BEND6: variants seen among roughly 807,000 people sequenced by gnomAD.
BEND6 encodes BEN domain containing 6, also known as BEN domain-containing protein 6.
Under a neutral mutation model 31.8 loss-of-function variants are expected in BEND6, and 24 were observed. The ratio of observed to expected loss-of-function variants is 0.75; its 90% CI spans 0.55 to 1.06. BEND6 has a LOEUF of 1.06. Among genes scored for constraint, BEND6 ranks in the 50% least tolerant of loss-of-function variants. The probability of loss-of-function intolerance (pLI) is 0.00; values close to 1 mark genes in which losing one functional copy is unlikely to be tolerated. For missense variants in BEND6, 294 were observed against 327.4 expected (o/e 0.90, Z 0.79); for synonymous variants, 109 against 114.6 (o/e 0.95, Z 0.31).
At chr6:56,990,476 C>T (rs185538449) in intron 2 of BEND6, among the ~76,000 whole-genome samples, 119 of 152,054 alleles carry the variant, frequency 7.8e-4, no homozygotes, top group African/African-American at 2.6e-3. Context: ...TGAACTTCTG[C>T]GCTGAAGAGA....
At chr6:57,008,456 T>TATGCAGACCTGTCTGTGTGACTGTC (rs1827237614) in intron 3 of BEND6, 1 of 508,786 alleles carries the variant, frequency 2.0e-6, no homozygotes, top group East Asian at 3.2e-5. Context: ...ACTGGAGTGC[T>TATGCAGACCTGTCTGTGTGACTGTC]ATGCAGACCT....
rs756563324 is a variant in BEND6, at chr6:57,018,403, G to A, written c.713-18G>A. 14 of 1,576,172 alleles carry A rather than the reference G, an allele frequency of 8.9e-6. No individual in the cohort carries two copies. Among genetic ancestry groups the A allele is most frequent in the South Asian group, 2.4e-5 (2 of 82,890 alleles). On this transcript the variant is annotated intron_variant, in intron 5 of 6. Transcript: ENST00000370746. ...GCACTCATGAAGTTTCTCATGTGTC[G>A]CTATTGGTTTTTTACAGGAGTAACA...
chr6:56,956,039 A>G (rs981307671), intron 1 of BEND6, among the ~76,000 whole-genome samples: 6 of 152,262 alleles, frequency 3.9e-5, no homozygotes, highest in Non-Finnish European at 8.8e-5. Flanking sequence ...CGGCTGCTGC[A>G]GCAGTCATTC....
At chr6:57,012,294 G>A (rs537643494) in intron 3 of BEND6, among the ~76,000 whole-genome samples, 2 of 152,272 alleles carry the variant, frequency 1.3e-5, no homozygotes, top group African/African-American at 4.8e-5. Context: ...ATATTATGCA[G>A]AGAAAAAGAG....
intron 6 of BEND6, among the ~76,000 whole-genome samples, chr6:57,024,958 C>T (rs1306827958): frequency 6.6e-6 from 1 of 152,110 alleles, no homozygotes; most frequent in Admixed American, 6.5e-5. Context: ...TCTTTGATTT[C>T]ACAGGTTATT....
chr6:56,972,087 T>TG (rs1491413481), intron 1 of BEND6, among the ~76,000 whole-genome samples: 48 of 19,694 alleles, frequency 2.4e-3, no homozygotes, highest in Non-Finnish European at 1.8e-3. Flanking sequence ...CTTTACTTTC[T>TG]TTTTTTTTTT....
chr6:57,022,611 T>TTTTG lies in BEND6; in HGVS notation c.*10-3459_*10-3456dup, dbSNP rs552160196. 6.9e-3 allele frequency among the ~76,000 whole-genome samples: 1,052 copies of TTTTG among 152,216 alleles called. 1 individual carries two copies. The highest frequency in any genetic ancestry group is 0.011 in the Non-Finnish European group (716 of 68,002). The stretch of plus-strand genomic sequence containing the variant: ...TTGATCTGGTTTTTTAAATCTCCTT[T>TTTTG]TTTGTTTGTTTGTTTTTTGTTTTTT... On this transcript the variant is annotated intron_variant, in intron 6 of 6. Coordinates refer to ENST00000370746, the MANE Select transcript of BEND6 (RefSeq NM_152731.3).
rs368474009 is a variant in BEND6, at chr6:57,015,206, C to G, written c.372C>G (p.Thr124=). 7 of 1,614,022 alleles carry G rather than the reference C, an allele frequency of 4.3e-6. No individual in the cohort carries two copies. In the African/African-American group the frequency reaches 8.0e-5, roughly 18 times the overall value. ...AGGCTCTGCTTAAGGGTGGGGGAAC[C>G]ATGTCTACATCTGCATCCACCCTCT... ...MAEALLKGGG[T]MSTSASTLWR... is the part of the protein sequence containing the mutation. The change falls in exon 4 of 7, where the codon ACC becomes ACG. Residue 124 remains threonine, a synonymous_variant. Transcript: ENST00000370746.
intron 1 of BEND6, among the ~76,000 whole-genome samples, chr6:56,974,437 A>G (rs1030024879): frequency 2.6e-5 from 4 of 152,228 alleles, no homozygotes; most frequent in Non-Finnish European, 5.9e-5. Flanking sequence ...AAAAGTCAAC[A>G]TAACATTTTA....
chr6:57,005,609 G>A (rs1301635633), intron 3 of BEND6, among the ~76,000 whole-genome samples: 1 of 151,402 alleles, frequency 6.6e-6, no homozygotes, highest in Non-Finnish European at 1.5e-5. Context: ...GAACCCGGGA[G>A]ACGGAGGTTG....
intron 3 of BEND6, among the ~76,000 whole-genome samples, chr6:57,011,535 T>A (rs1384995823): frequency 5.3e-5 from 8 of 151,038 alleles, no homozygotes; most frequent in Non-Finnish European, 1.0e-4. Context: ...CTGGGCAACA[T>A]AGGGAGACTC....
At chr6:57,005,968 TC>T (rs1419728890) in intron 3 of BEND6, among the ~76,000 whole-genome samples, 1 of 152,172 alleles carries the variant, frequency 6.6e-6, no homozygotes, top group African/African-American at 2.4e-5. Context: ...AATCAACAGA[TC>T]AGTGGAACAG....
At chr6:56,993,061 G>A (rs528303660) in intron 3 of BEND6, among the ~76,000 whole-genome samples, 8 of 151,882 alleles carry the variant, frequency 5.3e-5, no homozygotes, top group Non-Finnish European at 1.0e-4. Context: ...AAAAATAATA[G>A]CATTCCACTG....
chr6:57,004,080 A>G (rs1827056344), intron 3 of BEND6, among the ~76,000 whole-genome samples: 1 of 152,186 alleles, frequency 6.6e-6, no homozygotes, highest in Non-Finnish European at 1.5e-5. Context: ...AATACTGAGC[A>G]GGTAAAACCA....
chr6:56,976,052 C>T, intron 1 of BEND6: 1 of 407,914 alleles, frequency 2.5e-6, no homozygotes. Context: ...GGACACGATA[C>T]AAAGTCTCCA....
intron 1 of BEND6, among the ~76,000 whole-genome samples, chr6:56,973,472 AATTT>A (rs1003479973): frequency 6.6e-6 from 1 of 152,198 alleles, no homozygotes; most frequent in African/African-American, 2.4e-5. Context: ...GATAATGTTT[AATTT>A]ATTAATTAGG....
intron 3 of BEND6, among the ~76,000 whole-genome samples, chr6:57,001,874 C>A: frequency 6.6e-6 from 1 of 152,170 alleles, no homozygotes; most frequent in East Asian, 1.9e-4. Flanking sequence ...ACAATAGGAT[C>A]AAAACTTCAT....
intron 1 of BEND6, among the ~76,000 whole-genome samples, chr6:56,957,736 C>CT (rs1286319240): frequency 6.6e-6 from 1 of 152,146 alleles, no homozygotes; most frequent in African/African-American, 2.4e-5. Context: ...AATTTGTTGA[C>CT]TTTTTTTATG....
chr6:56,959,191 A>G (rs1474809988), intron 1 of BEND6, among the ~76,000 whole-genome samples: 1 of 152,198 alleles, frequency 6.6e-6, no homozygotes, highest in Non-Finnish European at 1.5e-5. Context: ...TTCTGGTCTC[A>G]GGTTGCTTTA....
Sources: allele counts gnomAD v4.1 joint callset (sites outside exome capture counted in the v4.1 genomes callset), GRCh38; gene constraint gnomAD v4.1.1; transcripts MANE v1.5; gene names NCBI Gene and HGNC (gene_info 2026-07-23, HGNC 2026-07-21).